SERPINB8: variants seen among roughly 807,000 people sequenced by gnomAD.
The protein encoded by SERPINB8 is serpin B8.
SERPINB8 carries 25 observed loss-of-function variants against 35.3 expected under a neutral mutation model. The ratio of observed to expected loss-of-function variants is 0.71; its 90% CI spans 0.52 to 0.99. The LOEUF is 0.99. Ranked by LOEUF, SERPINB8 falls within the 50% of genes least tolerant of loss-of-function variation. The pLI is 0.00. For synonymous variants in SERPINB8, 186 were observed against 160.8 expected, an observed-to-expected ratio of 1.16 and a Z score of -1.19; for missense variants, 484 against 446.5, an observed-to-expected ratio of 1.08 and a Z score of -0.76.
At chr18:64,001,731 C>A (rs1394230827) in intron 1 of SERPINB8, among the ~76,000 whole-genome samples, 1 of 152,152 alleles carries the variant, frequency 6.6e-6, no homozygotes, top group African/African-American at 2.4e-5. Flanking sequence ...AGGTGATCCG[C>A]CTGCCTCAGC....
At chr18:63,985,554 G>C (rs2050741101) in intron 6 of SERPINB8, among the ~76,000 whole-genome samples, 1 of 152,158 alleles carries the variant, frequency 6.6e-6, no homozygotes, top group Non-Finnish European at 1.5e-5. Context: ...CAAAAGTCCT[G>C]GAAGAAGGGT....
Position 63,988,225 on chromosome 18 carries a change from G to A in SERPINB8, c.*947G>A, listed in dbSNP as rs1004009864. ...TGTGTATGCAAATAGAAATTTATAA[G>A]CATTTTACTACAAGTTAATCATATC... On this transcript the variant is annotated 3_prime_UTR_variant, in exon 7 of 7. Transcript: ENST00000397985. The A allele has an allele frequency of 6.6e-6, 1 of 152,088 alleles. No homozygotes were observed. The allele number at this position is 152,088 out of a possible 1,614,324, so 9.4% of individuals were successfully genotyped here. A position where few individuals can be genotyped will look rare whatever the true frequency, so the allele number is the denominator to read the frequency against.
At chr18:64,000,218 A>C (rs978807310) in intron 1 of SERPINB8, among the ~76,000 whole-genome samples, 1 of 152,196 alleles carries the variant, frequency 6.6e-6, no homozygotes, top group Non-Finnish European at 1.5e-5. Context: ...GCTCATGGCT[A>C]TGTTTAATCT....
At chr18:63,971,213 A>G (rs1036058591) in intron 1 of SERPINB8, among the ~76,000 whole-genome samples, 2 of 152,026 alleles carry the variant, frequency 1.3e-5, no homozygotes, top group African/African-American at 4.8e-5. Context: ...TACTACCTCC[A>G]GATATTGGAA....
chr18:63,986,563 G>T (rs1317909423), intron 6 of SERPINB8: 4 of 1,317,924 alleles, frequency 3.0e-6, no homozygotes, highest in African/African-American at 3.0e-5. Context: ...TAATGAATTG[G>T]TTAGAATTTT....
rs73961870 is a variant in SERPINB8 at position 64,004,906 on chromosome 18, T to C, written c.*28T>C. The C allele has an allele frequency of 1.8e-3, 709 of 398,456 alleles. 4 individuals are homozygous for C. Among genetic ancestry groups the C allele is most frequent in the African/African-American group, 0.014 (666 of 48,734 alleles). 24.7% of individuals were successfully genotyped at this position (398,456 alleles called of 1,614,324 possible). A position where few individuals can be genotyped will look rare whatever the true frequency, so the allele number is the denominator to read the frequency against. On this transcript the variant is annotated 3_prime_UTR_variant, in exon 2 of 2. Transcript: ENST00000493661. ...GTAAGTACAGAAACATCAGACGGCA[T>C]TGAATTGAGGGATATTCTACCAAAT...
At chr18:63,986,296 A>G (rs1162855830) in intron 6 of SERPINB8, 3 of 1,610,456 alleles carry the variant, frequency 1.9e-6, no homozygotes, top group Non-Finnish European at 2.5e-6. Context: ...AGCTAACTCC[A>G]GGACAGGCAG....
intron 1 of SERPINB8, among the ~76,000 whole-genome samples, chr18:63,973,355 A>G (rs1381981629): frequency 6.6e-6 from 1 of 151,936 alleles, no homozygotes; most frequent in Non-Finnish European, 1.5e-5. Flanking sequence ...TTTTTCTTGT[A>G]AATTTGTTTG....
chr18:63,992,850 T>A (rs988836534), downstream of SERPINB8, among the ~76,000 whole-genome samples: 3 of 151,060 alleles, frequency 2.0e-5, no homozygotes, highest in East Asian at 5.8e-4. Context: ...AAAGTGGGGG[T>A]GATTGTCGGG....
At chr18:63,998,093 C>A (rs2050858529) in intron 1 of SERPINB8, among the ~76,000 whole-genome samples, 1 of 152,216 alleles carries the variant, frequency 6.6e-6, no homozygotes, top group Non-Finnish European at 1.5e-5. Context: ...CCGCCAGACC[C>A]TGAGCAAGGC....
exon 2 of SERPINB8, chr18:64,005,253 T>C (rs1361956676): frequency 6.1e-6 from 1 of 164,272 alleles, no homozygotes; most frequent in African/African-American, 2.4e-5. Context: ...ACATTTTTCT[T>C]GGGAATAAAT....
At chr18:63,970,438 C>G (rs9961615) in intron 1 of SERPINB8, 48,649 of 160,672 alleles carry the variant, frequency 0.3, 7,838 homozygotes, top group African/African-American at 0.36. Context: ...GGCCGGGTCC[C>G]GAGAACAGGT....
At chr18:63,980,305 G>T (rs78406018) in intron 3 of SERPINB8, among the ~76,000 whole-genome samples, 42 of 152,172 alleles carry the variant, frequency 2.8e-4, no homozygotes, top group African/African-American at 9.9e-4. Flanking sequence ...AAATTTGCCC[G>T]CCCTCTTCTG....
downstream of SERPINB8, among the ~76,000 whole-genome samples, chr18:63,989,800 G>C (rs1018567982): frequency 6.6e-6 from 1 of 150,808 alleles, no homozygotes; most frequent in Non-Finnish European, 1.5e-5. Context: ...AAAATTAGCT[G>C]GGCGTAGTGG....
At chr18:63,990,535 C>G (rs1415780903), downstream of SERPINB8, among the ~76,000 whole-genome samples, 2 of 150,706 alleles carry the variant, frequency 1.3e-5, no homozygotes, top group Non-Finnish European at 3.0e-5. Flanking sequence ...TTTTACTATA[C>G]TTTAAGTTTT....
downstream of SERPINB8, among the ~76,000 whole-genome samples, chr18:63,990,301 C>CCTGACCTCAGGTCAT (rs1478414117): frequency 6.6e-6 from 1 of 151,950 alleles, no homozygotes; most frequent in Non-Finnish European, 1.5e-5. Context: ...GTTTTGAACT[C>CCTGACCTCAGGTCAT]CTGACCTCAG....
At position 63,983,569 on chromosome 18, in the gene SERPINB8, T is replaced by C; in HGVS notation, c.425-10T>C. ...CCACAAATTGCAATAAACTCTCATA[T>C]TCTTTATAGGTAAGATTTCAGAGGT... On this transcript the variant is annotated splice_polypyrimidine_tract_variant and intron_variant, in intron 4 of 6. Transcript: ENST00000397985. The C allele has an allele frequency of 6.2e-7, 1 of 1,612,970 alleles. No homozygotes were observed. Among genetic ancestry groups the C allele is most frequent in the Non-Finnish European group, 8.5e-7 (1 of 1,179,314 alleles).
chr18:64,018,537 T>G (rs1202923416), intron 7 of SERPINB8, among the ~76,000 whole-genome samples: 1 of 152,216 alleles, frequency 6.6e-6, no homozygotes, highest in African/African-American at 2.4e-5. Context: ...TGAATAATTA[T>G]GAGCTAAAGA....
At chr18:64,015,792 T>G (rs1052869465) in intron 7 of SERPINB8, among the ~76,000 whole-genome samples, 6 of 152,222 alleles carry the variant, frequency 3.9e-5, no homozygotes, top group Non-Finnish European at 5.9e-5. Context: ...CCTTTGAAGT[T>G]TCTCTCATTA....
Sources: allele counts gnomAD v4.1 joint callset (sites outside exome capture counted in the v4.1 genomes callset), GRCh38; gene constraint gnomAD v4.1.1; transcripts MANE v1.5; gene names NCBI Gene and HGNC (gene_info 2026-07-23, HGNC 2026-07-21).